GABRR1: variants seen among roughly 807,000 people sequenced by gnomAD.
GABRR1 encodes gamma-aminobutyric acid type A receptor subunit rho1.
GABRR1 carries 59 observed loss-of-function variants against 55.5 expected under a neutral mutation model. The observed-to-expected ratio is 1.06, with a 90% confidence interval of 0.86 to 1.32. The LOEUF (loss-of-function observed/expected upper bound fraction) is 1.32. Ranked by LOEUF, GABRR1 falls within the 40% of genes most tolerant of loss-of-function variation. The pLI is 0.00. For synonymous variants in GABRR1, 213 were observed against 226.0 expected (o/e 0.94, Z 0.51); for missense variants, 602 against 619.1 (o/e 0.97, Z 0.29).
intron 7 of GABRR1, among the ~76,000 whole-genome samples, chr6:89,182,261 C>T (rs574458319): frequency 1.3e-5 from 2 of 152,220 alleles, no homozygotes; most frequent in South Asian, 4.2e-4. Context: ...AACCTTTGGC[C>T]GTTGTCCTAT....
chr6:89,217,578 T>C (rs1353840478), upstream of GABRR1: 2 of 366,928 alleles, frequency 5.5e-6, no homozygotes, highest in Non-Finnish European at 9.9e-6. Context: ...ACAATTATTT[T>C]AGCCGGTCTA....
At chr6:89,220,863 C>A (rs1036192876), upstream of GABRR1, among the ~76,000 whole-genome samples, 32 of 151,952 alleles carry the variant, frequency 2.1e-4, no homozygotes, top group African/African-American at 7.5e-4. Flanking sequence ...TGGGATTACA[C>A]GCATTCGCCA....
chr6:89,179,502 G>A (rs1363602590), intron 9 of GABRR1, among the ~76,000 whole-genome samples: 3 of 152,226 alleles, frequency 2.0e-5, no homozygotes, highest in African/African-American at 4.8e-5. Context: ...TTACAGGCGT[G>A]AGCCACTGTG....
At chr6:89,196,881 G>A (rs441046) in intron 5 of GABRR1, among the ~76,000 whole-genome samples, 5,574 of 95,132 alleles carry the variant, frequency 0.059, 302 homozygotes, top group African/African-American at 0.11. Flanking sequence ...GAAAGAAAGA[G>A]AAGAGAAGAA....
chr6:89,181,204 T>A (rs879413680), intron 8 of GABRR1, among the ~76,000 whole-genome samples: 2 of 152,182 alleles, frequency 1.3e-5, no homozygotes, highest in African/African-American at 2.4e-5. Flanking sequence ...GAACATTTGT[T>A]TGGCAAACAT....
chr6:89,200,930 G>A (rs1421002217), intron 3 of GABRR1, among the ~76,000 whole-genome samples: 1 of 150,874 alleles, frequency 6.6e-6, no homozygotes, highest in Non-Finnish European at 1.5e-5. Context: ...CATCCTAGAG[G>A]GGCAGCAGCC....
chr6:89,214,172 T>A (rs2127807832), intron 1 of GABRR1, among the ~76,000 whole-genome samples: 1 of 71,564 alleles, frequency 1.4e-5, no homozygotes, highest in South Asian at 4.2e-4. Context: ...TTGTTACTGA[T>A]CTTAGAGAAT....
chr6:89,195,933 A>G (rs971956101), intron 5 of GABRR1, among the ~76,000 whole-genome samples: 1 of 152,176 alleles, frequency 6.6e-6, no homozygotes. Context: ...TGTTTTGTTG[A>G]TTGTCTAGAC....
In GABRR1 at chr6:89,180,428, C is replaced by T. The variant is rs187926567; in HGVS notation, c.1010G>A (p.Arg337His). 1.1e-5 allele frequency: 18 copies of T among 1,613,954 alleles called. No homozygotes were observed. The highest frequency in any genetic ancestry group is 6.7e-5 in the East Asian group (3 of 44,884). Residue 337 changes from arginine to histidine, a missense_variant, in exon 9 of 10, where the codon CGC becomes CAC. Arg to His is a conservative substitution (Grantham distance 29, BLOSUM62 0). This residue lies in a region of GABRR1 where 28 missense variants were observed against 53.9 expected (regional missense o/e 0.52). Transcript: ENST00000454853. ...IITGVNASMPRVSYIKAVDIY... is the reference protein window; with the variant it reads ...IITGVNASMPHVSYIKAVDIY... ...GTCCACGGCCTTGATGTAGGAGACG[C>T]GCGGCATGGAGGCATTCACGCCCGT...
intron 1 of GABRR1, among the ~76,000 whole-genome samples, chr6:89,228,534 T>A (rs1389694168): frequency 1.1e-5 from 1 of 89,166 alleles, no homozygotes; most frequent in Non-Finnish European, 2.3e-5. Flanking sequence ...CCAGTAGTCA[T>A]TCAGGAGCAG....
intron 1 of GABRR1, among the ~76,000 whole-genome samples, chr6:89,212,633 G>A (rs1772864769): frequency 6.6e-6 from 1 of 151,318 alleles, no homozygotes; most frequent in South Asian, 2.1e-4. Context: ...AAGAGAGGAG[G>A]AGAGGACCGG....
At chr6:89,211,279 C>T (rs1772826925) in intron 1 of GABRR1, among the ~76,000 whole-genome samples, 1 of 152,156 alleles carries the variant, frequency 6.6e-6, no homozygotes, top group African/African-American at 2.4e-5. Context: ...TCATGCAAGA[C>T]AGGGATTTGA....
chr6:89,202,961 A>C (rs1772524853), intron 2 of GABRR1, among the ~76,000 whole-genome samples: 1 of 151,894 alleles, frequency 6.6e-6, no homozygotes, highest in East Asian at 1.9e-4. Context: ...AGCAACTCCC[A>C]CCTAGGCCTC....
At chr6:89,205,953 A>G (rs1356073358) in intron 1 of GABRR1, among the ~76,000 whole-genome samples, 1 of 127,416 alleles carries the variant, frequency 7.8e-6, no homozygotes, top group Non-Finnish European at 1.6e-5. Context: ...CTCTAGCTCC[A>G]CTTCTCAGAC....
At chr6:89,187,380 A>T (rs1771938018) in intron 6 of GABRR1, among the ~76,000 whole-genome samples, 1 of 152,234 alleles carries the variant, frequency 6.6e-6, no homozygotes, top group African/African-American at 2.4e-5. Context: ...CTACATAAAT[A>T]CAGCCATTCT....
chr6:89,223,524 C>T (rs55868353), intron 1 of GABRR1, among the ~76,000 whole-genome samples: 3 of 152,252 alleles, frequency 2.0e-5, no homozygotes, highest in Non-Finnish European at 2.9e-5. Flanking sequence ...GTACAAGTGT[C>T]TTTTTCATTT....
At chr6:89,200,809 T>A (rs1251411776) in intron 3 of GABRR1, among the ~76,000 whole-genome samples, 2 of 152,180 alleles carry the variant, frequency 1.3e-5, no homozygotes, top group Non-Finnish European at 2.9e-5. Context: ...ACAACAAATT[T>A]AGTCCAAGGT....
At chr6:89,226,700 A>G (rs1461812712) in intron 1 of GABRR1, among the ~76,000 whole-genome samples, 4 of 99,602 alleles carry the variant, frequency 4.0e-5, no homozygotes, top group Admixed American at 1.0e-4. Flanking sequence ...AGGTAGTGTG[A>G]TGCCTCCAGC....
chr6:89,226,203 CA>C (rs1465294797), intron 1 of GABRR1, among the ~76,000 whole-genome samples: 1 of 150,634 alleles, frequency 6.6e-6, no homozygotes, highest in Non-Finnish European at 1.5e-5. Context: ...AATTTTCTCC[CA>C]TTTTGTAGGT....
Sources: allele counts gnomAD v4.1 joint callset (sites outside exome capture counted in the v4.1 genomes callset), GRCh38; gene constraint gnomAD v4.1.1; regional missense constraint gnomAD v4.1.1; transcripts MANE v1.5; gene names NCBI Gene and HGNC (gene_info 2026-07-23, HGNC 2026-07-21).